Variants in TLN2 observed in about 807,000 individuals in gnomAD.
TLN2 encodes talin-2.
Under a neutral mutation model 294.7 loss-of-function variants are expected in TLN2, and 118 were observed. The ratio of observed to expected loss-of-function variants is 0.40; its 90% CI spans 0.34 to 0.47. TLN2 has a LOEUF of 0.47. Ranked by LOEUF, TLN2 falls within the 20% of genes least tolerant of loss-of-function variation. The pLI is 0.84. For missense variants in TLN2, 3,083 were observed against 3,282.2 expected (o/e 0.94, Z 1.48); for synonymous variants, 1,431 against 1,304.5 (o/e 1.10, Z -2.09).
intron 1 of TLN2, among the ~76,000 whole-genome samples, chr15:62,392,883 T>A (rs1435434612): frequency 2.6e-5 from 4 of 152,146 alleles, no homozygotes; most frequent in Non-Finnish European, 5.9e-5. Context: ...GATATGAATG[T>A]CAGCCAAGAT....
At chr15:62,708,417 A>T (rs2059205353) in intron 20 of TLN2, 85 bp from the exon 21 acceptor site, 2 of 1,425,394 alleles carry the variant, frequency 1.4e-6, no homozygotes, top group African/African-American at 2.8e-5. Context: ...CAGAGCAGGA[A>T]GGGCTTTGAT....
chr15:62,616,373 A>G (rs1193033979), intron 2 of TLN2, among the ~76,000 whole-genome samples: 1 of 152,210 alleles, frequency 6.6e-6, no homozygotes, highest in Middle Eastern at 3.2e-3. Flanking sequence ...ACTGTCTGGC[A>G]AACAAGTTTC....
In TLN2 at chr15:62,826,716, C is replaced by CA. The variant is rs34621101; in HGVS notation, c.7002+6116dup. Among the ~76,000 whole-genome samples the CA allele has an allele frequency of 3.3e-4, 50 of 151,134 alleles. No individual in the cohort carries two copies. In the East Asian group the frequency reaches 7.1e-3, roughly 21 times the overall value. On this transcript the variant is annotated intron_variant, in intron 54 of 58. Coordinates refer to ENST00000636159, the MANE Select transcript of TLN2 (RefSeq NM_015059.3). ...CTAGTAGCAGCCAAACTTGCAACAACAAAAAAAAAAGAGAAATGTGGCTGC... is the reference window on the plus strand; with the variant it reads ...CTAGTAGCAGCCAAACTTGCAACAACAAAAAAAAAAAGAGAAATGTGGCTGC...
intron 24 of TLN2, among the ~76,000 whole-genome samples, 177 bp from the exon 25 acceptor site, chr15:62,719,590 G>T (rs2059997655): frequency 6.6e-6 from 1 of 152,170 alleles, no homozygotes; most frequent in African/African-American, 2.4e-5. Context: ...CAGAAAATGG[G>T]ATTCAGTGTT....
At chr15:62,667,182 G>T (rs944290579) in intron 9 of TLN2, among the ~76,000 whole-genome samples, 2 of 152,090 alleles carry the variant, frequency 1.3e-5, no homozygotes, top group African/African-American at 2.4e-5. Flanking sequence ...TAGCCAGGAT[G>T]GTCTCGATCT....
intron 35 of TLN2, 25 bp downstream of exon 35, chr15:62,752,452 C>T (rs1467942015): frequency 1.2e-6 from 2 of 1,612,596 alleles, no homozygotes; most frequent in Non-Finnish European, 8.5e-7. Context: ...CCGATGCAGC[C>T]ATGTGCCCTG....
intron 1 of TLN2, among the ~76,000 whole-genome samples, chr15:62,469,848 C>A (rs1025924394): frequency 2.0e-5 from 3 of 152,160 alleles, no homozygotes; most frequent in African/African-American, 4.8e-5. Flanking sequence ...CTCAATATGT[C>A]ACCTTCTTCA....
chr15:62,477,686 A>G (rs2037847883), intron 1 of TLN2, among the ~76,000 whole-genome samples: 1 of 152,078 alleles, frequency 6.6e-6, no homozygotes, highest in Non-Finnish European at 1.5e-5. Context: ...GGTTTTTAAG[A>G]GCAGACTGTA....
chr15:62,836,284 T>C (rs1038905195), intron 57 of TLN2, among the ~76,000 whole-genome samples: 2 of 152,258 alleles, frequency 1.3e-5, no homozygotes, highest in Non-Finnish European at 2.9e-5. Flanking sequence ...TCTGGTCTCA[T>C]GCCCTGGGGC....
chr15:62,741,087 G>A (rs960769870), intron 32 of TLN2, among the ~76,000 whole-genome samples: 1 of 152,102 alleles, frequency 6.6e-6, no homozygotes, highest in Admixed American at 6.6e-5. Context: ...ATATCTTTCT[G>A]ATTATAAAAT....
chr15:62,714,788 A>G (rs1205408991), intron 22 of TLN2, among the ~76,000 whole-genome samples: 1 of 152,224 alleles, frequency 6.6e-6, no homozygotes, highest in African/African-American at 2.4e-5. Flanking sequence ...CATGATTAGT[A>G]ACTAAGATTT....
chr15:62,661,723 G>A (rs573995365), intron 9 of TLN2, among the ~76,000 whole-genome samples: 22 of 152,254 alleles, frequency 1.4e-4, no homozygotes, highest in Non-Finnish European at 1.5e-5. Flanking sequence ...TAGACAAAGA[G>A]CAGAGAGAAT....
chr15:62,511,524 C>T (rs2039934805), intron 1 of TLN2, among the ~76,000 whole-genome samples: 1 of 152,106 alleles, frequency 6.6e-6, no homozygotes, highest in Non-Finnish European at 1.5e-5. Flanking sequence ...GGTTGACTTG[C>T]CTGGAAGAGG....
intron 55 of TLN2, chr15:62,834,608 GT>G (rs2069267473): frequency 1.3e-5 from 2 of 152,214 alleles, no homozygotes; most frequent in South Asian, 4.2e-4. Flanking sequence ...TGTGTTGTAG[GT>G]TATTCAGTAT....
At chr15:62,762,946 G>C (rs2062767024) in intron 39 of TLN2, among the ~76,000 whole-genome samples, 1 of 152,218 alleles carries the variant, frequency 6.6e-6, no homozygotes, top group Non-Finnish European at 1.5e-5. Flanking sequence ...CTTGTCGATA[G>C]TGGGAGCCTA....
intron 5 of TLN2, among the ~76,000 whole-genome samples, chr15:62,651,427 C>T (rs540799836): frequency 4.6e-5 from 7 of 151,982 alleles, no homozygotes; most frequent in East Asian, 1.9e-4. Flanking sequence ...AACATTGTGC[C>T]GTGTTTGGAA....
intron 1 of TLN2, among the ~76,000 whole-genome samples, chr15:62,484,163 G>A (rs985548358): frequency 7.2e-5 from 11 of 152,174 alleles, no homozygotes; most frequent in African/African-American, 2.2e-4. Context: ...GCTGGGTCAG[G>A]GTGGGTGTGG....
chr15:62,401,583 G>A (rs2033025930), intron 1 of TLN2, among the ~76,000 whole-genome samples: 1 of 152,178 alleles, frequency 6.6e-6, no homozygotes, highest in South Asian at 2.1e-4. Flanking sequence ...GTTTGGGATG[G>A]GGCCTGGGCA....
In TLN2 at chr15:62,668,367, T is replaced by C. The variant is rs917251558; in HGVS notation, c.789-5460T>C. Among the ~76,000 whole-genome samples, 15 of 152,200 alleles carry C rather than the reference T, an allele frequency of 9.9e-5. 3 individuals are homozygous for C. Among genetic ancestry groups the C allele is most frequent in the Admixed American group, 9.2e-4 (14 of 15,280 alleles). ...TACAATAAAATAACAAAATTGCAAC[T>C]CATCCTTCAAATAGTAGAAAATGAA... On this transcript the variant is annotated intron_variant, in intron 9 of 58. Coordinates refer to ENST00000636159, the MANE Select transcript of TLN2 (RefSeq NM_015059.3).
Sources: gnomAD v4.1 joint callset for allele counts (sites outside exome capture counted in the v4.1 genomes callset) on GRCh38, gnomAD v4.1.1 for gene constraint, MANE v1.5 for transcripts, NCBI Gene and HGNC (gene_info 2026-07-23, HGNC 2026-07-21) for gene names.